Variants in FGD4 observed in about 807,000 individuals in gnomAD.
FGD4 encodes the protein FYVE, RhoGEF and PH domain containing 4.
In FGD4, 42 loss-of-function variants were observed where a neutral mutation model predicts 102.0. That is an observed-to-expected ratio of 0.41 (90% CI 0.32 to 0.53). The LOEUF is 0.53. Ranked by LOEUF, FGD4 falls within the 20% of genes least tolerant of loss-of-function variation. FGD4 has a pLI of 0.21. For synonymous variants in FGD4, 380 were observed against 375.7 expected, an observed-to-expected ratio of 1.01 and a Z score of -0.13; for missense variants, 902 against 1,078.2, an observed-to-expected ratio of 0.84 and a Z score of 2.29.
chr12:32,509,313 C>T (rs1269274754), intron 1 of FGD4, among the ~76,000 whole-genome samples: 1 of 148,380 alleles, frequency 6.7e-6, no homozygotes, highest in Non-Finnish European at 1.5e-5. Context: ...AACGTAACTA[C>T]CACAGTAGCA....
At chr12:32,638,561 G>A (rs1440251468) in intron 15 of FGD4, 94 bp from the exon 16 acceptor site, 17 of 1,515,264 alleles carry the variant, frequency 1.1e-5, no homozygotes, top group Non-Finnish European at 1.5e-5. Flanking sequence ...GGATAGTCCA[G>A]GGAAACATTT....
At chr12:32,514,634 C>T (rs1400681433) in intron 1 of FGD4, among the ~76,000 whole-genome samples, 1 of 152,018 alleles carries the variant, frequency 6.6e-6, no homozygotes, top group Non-Finnish European at 1.5e-5. Flanking sequence ...GCCTCAGCCT[C>T]CTGTGTAGCT....
Position 32,411,006 on chromosome 12 carries a change from C to G in FGD4, c.166+11047C>G, listed in dbSNP as rs141690085. Among the ~76,000 whole-genome samples the G allele has an allele frequency of 4.7e-3, 692 of 148,512 alleles. 5 individuals carry two copies. Among genetic ancestry groups the G allele is most frequent in the African/African-American group, 0.013 (508 of 39,746 alleles). Reference sequence around the variant, plus strand: ...AGTGCAGTGGTGAGATATCGGATCACTGCAGCCTCCGCCTCCCAGGTTCCA... The same window carrying G: ...AGTGCAGTGGTGAGATATCGGATCAGTGCAGCCTCCGCCTCCCAGGTTCCA... On this transcript the variant is annotated intron_variant, in intron 1 of 16. Transcript: ENST00000534526.
intron 1 of FGD4, among the ~76,000 whole-genome samples, chr12:32,422,321 C>CA (rs1209413006): frequency 2.0e-5 from 1 of 49,644 alleles, no homozygotes; most frequent in Non-Finnish European, 3.9e-5. Flanking sequence ...TTTTTTGAGA[C>CA]AGAGTCTCGC....
intron 1 of FGD4, among the ~76,000 whole-genome samples, chr12:32,422,911 AC>A (rs1941693006): frequency 2.6e-5 from 4 of 152,102 alleles, no homozygotes; most frequent in African/African-American, 9.7e-5. Flanking sequence ...GGGAACTATT[AC>A]CCTCATCGTA....
chr12:32,601,473 T>C, intron 6 of FGD4, 50 bp downstream of exon 6: 1 of 1,561,244 alleles, frequency 6.4e-7, no homozygotes, highest in Non-Finnish European at 8.7e-7. Context: ...CATGCTGTAT[T>C]TTTCAGCTTT....
chr12:32,633,711 A>G (rs377605627), intron 15 of FGD4, 22 bp downstream of exon 15: 2 of 1,574,366 alleles, frequency 1.3e-6, no homozygotes, highest in Non-Finnish European at 1.7e-6. Flanking sequence ...TAAATATTGG[A>G]TATCTTTTAG....
chr12:32,562,836 A>T (rs1944740838), intron 1 of FGD4, among the ~76,000 whole-genome samples: 1 of 152,232 alleles, frequency 6.6e-6, no homozygotes, highest in Non-Finnish European at 1.5e-5. Flanking sequence ...CACGGCAACC[A>T]TCCGACTTCT....
At position 32,499,488 on chromosome 12, in the gene FGD4, A is replaced by G. The variant is rs550972055; in HGVS notation, c.167-64649A>G. ...TTTTTTCCCATGGAGTCAATTCTCT[A>G]AAAACTGTGAGCCAATTCTTTTTAG... On this transcript the variant is annotated intron_variant, in intron 1 of 16. Coordinates refer to ENST00000534526, the MANE Select transcript of FGD4 (RefSeq NM_001370298.3). 3.3e-5 allele frequency among the ~76,000 whole-genome samples: 5 copies of G among 152,336 alleles called. No homozygotes were observed. The South Asian group carries it at 1.0e-3, about 32-fold the overall frequency.
intron 1 of FGD4, among the ~76,000 whole-genome samples, chr12:32,505,976 G>T (rs1236410555): frequency 6.6e-6 from 1 of 152,054 alleles, no homozygotes; most frequent in African/African-American, 2.4e-5. Context: ...ATAATTTAAG[G>T]TCCCAATCTA....
At chr12:32,538,742 C>G (rs1942530510) in intron 1 of FGD4, among the ~76,000 whole-genome samples, 1 of 152,038 alleles carries the variant, frequency 6.6e-6, no homozygotes, top group Non-Finnish European at 1.5e-5. Context: ...AAATTGTGGC[C>G]AAGATTTTTT....
At chr12:32,454,716 A>G (rs1431663808) in intron 1 of FGD4, among the ~76,000 whole-genome samples, 1 of 152,168 alleles carries the variant, frequency 6.6e-6, no homozygotes, top group Non-Finnish European at 1.5e-5. Context: ...ATTAAATTCA[A>G]TAGGATCATA....
chr12:32,609,293 C>T (rs1027715662), intron 8 of FGD4, among the ~76,000 whole-genome samples: 1 of 152,200 alleles, frequency 6.6e-6, no homozygotes, highest in Non-Finnish European at 1.5e-5. Context: ...CTCGGCTTGC[C>T]ATCTCCTCAA....
chr12:32,466,437 T>C (rs919510798), intron 1 of FGD4, among the ~76,000 whole-genome samples: 8 of 152,132 alleles, frequency 5.3e-5, no homozygotes, highest in African/African-American at 1.9e-4. Flanking sequence ...TTGCTCTTGC[T>C]TGGGAGGCTG....
chr12:32,434,271 T>C (rs1942155322), intron 1 of FGD4, among the ~76,000 whole-genome samples: 1 of 152,220 alleles, frequency 6.6e-6, no homozygotes, highest in African/African-American at 2.4e-5. Flanking sequence ...ACTTTGTCGC[T>C]GCTTATAAAA....
chr12:32,534,798 A>G (rs1336677710), intron 1 of FGD4, among the ~76,000 whole-genome samples: 1 of 152,224 alleles, frequency 6.6e-6, no homozygotes, highest in Non-Finnish European at 1.5e-5. Flanking sequence ...AGAAATATAG[A>G]GAAAGAAAGG....
intron 1 of FGD4, among the ~76,000 whole-genome samples, chr12:32,557,437 C>T (rs1944213201): frequency 6.6e-6 from 1 of 152,130 alleles, no homozygotes; most frequent in South Asian, 2.1e-4. Flanking sequence ...ACATATTCTA[C>T]AGTTTAATAA....
At chr12:32,450,342 G>A (rs139905791) in intron 1 of FGD4, among the ~76,000 whole-genome samples, 3,594 of 152,240 alleles carry the variant, frequency 0.024, 149 homozygotes, top group African/African-American at 0.082. Context: ...AAAGTGCTGG[G>A]ATTACAGGTA....
chr12:32,537,198 A>G (rs576567644), intron 1 of FGD4, among the ~76,000 whole-genome samples: 22 of 152,172 alleles, frequency 1.4e-4, no homozygotes, highest in Admixed American at 9.2e-4. Flanking sequence ...GTGAGCCACC[A>G]CGCCTGGCCA....
Sources: gnomAD v4.1 joint callset for allele counts (sites outside exome capture counted in the v4.1 genomes callset) on GRCh38, gnomAD v4.1.1 for gene constraint, MANE v1.5 for transcripts, NCBI Gene and HGNC (gene_info 2026-07-23, HGNC 2026-07-21) for gene names.